ERBB4: variants seen among roughly 807,000 people sequenced by gnomAD.
ERBB4 encodes the protein receptor tyrosine-protein kinase erbB-4.
Under a neutral mutation model 158.0 loss-of-function variants are expected in ERBB4, and 42 were observed. The observed-to-expected ratio is 0.27, with a 90% CI of 0.21 to 0.34. The LOEUF is 0.34. Among genes scored for constraint, ERBB4 ranks in the 10% least tolerant of loss-of-function variants. ERBB4 has a pLI of 1.00. For synonymous variants in ERBB4, 583 were observed against 558.7 expected (o/e 1.04, Z -0.61); for missense variants, 1,333 against 1,624.1 (o/e 0.82, Z 3.08).
At chr2:212,054,966 T>A (rs1005554964) in intron 2 of ERBB4, among the ~76,000 whole-genome samples, 1 of 151,954 alleles carries the variant, frequency 6.6e-6, no homozygotes, top group African/African-American at 2.4e-5. Flanking sequence ...GGACAGTGGG[T>A]GCAGCCCACT....
intron 20 of ERBB4, among the ~76,000 whole-genome samples, chr2:211,558,136 A>C (rs939996718): frequency 6.6e-6 from 1 of 152,152 alleles, no homozygotes; most frequent in African/African-American, 2.4e-5. Flanking sequence ...AAAACAATGC[A>C]AATTTATTCT....
At chr2:211,567,082 T>C (rs1041697892) in intron 19 of ERBB4, among the ~76,000 whole-genome samples, 28 of 152,214 alleles carry the variant, frequency 1.8e-4, no homozygotes, top group African/African-American at 6.8e-4. Flanking sequence ...TATTTGATCC[T>C]TATTATAATC....
At position 212,458,841 on chromosome 2, in the gene ERBB4, C is replaced by T. The variant is rs151216442; in HGVS notation, c.82+79608G>A. ...ATAAACTTTGTAGATATATTTGGGT[C>T]GGAAAAGAAGAGAATAATTTCAGGA... is the stretch of plus-strand genomic sequence containing the variant. On this transcript the variant is annotated intron_variant, in intron 1 of 27. Transcript: ENST00000342788. Among the ~76,000 whole-genome samples the T allele has an allele frequency of 4.3e-4, 65 of 152,050 alleles. No individual in the cohort carries two copies. In the East Asian group the frequency reaches 9.7e-3, roughly 23 times the overall value.
intron 2 of ERBB4, among the ~76,000 whole-genome samples, chr2:212,007,572 C>A (rs1383262386): frequency 6.6e-6 from 1 of 151,722 alleles, no homozygotes; most frequent in Non-Finnish European, 1.5e-5. Flanking sequence ...TCCTATAATC[C>A]TTTGCATTTA....
At chr2:211,989,124 T>G (rs532395519) in intron 2 of ERBB4, among the ~76,000 whole-genome samples, 40 of 152,046 alleles carry the variant, frequency 2.6e-4, no homozygotes, top group African/African-American at 8.9e-4. Context: ...ATGACAACAA[T>G]TAGAAGAAGG....
intron 2 of ERBB4, among the ~76,000 whole-genome samples, chr2:212,065,987 C>T (rs961129728): frequency 1.3e-5 from 2 of 151,968 alleles, no homozygotes; most frequent in African/African-American, 4.8e-5. Flanking sequence ...AGGTAATTTT[C>T]TCTCAATTTG....
intron 1 of ERBB4, among the ~76,000 whole-genome samples, chr2:212,519,428 C>A (rs988300519): frequency 6.6e-6 from 1 of 151,654 alleles, no homozygotes; most frequent in Admixed American, 6.6e-5. Context: ...GTATTGATGG[C>A]TACAGTGGTC....
rs1469757985 is a variant in ERBB4 at position 212,446,635 on chromosome 2, A to T, written c.82+91814T>A. Among the ~76,000 whole-genome samples the T allele has an allele frequency of 9.9e-5, 10 of 101,478 alleles. No homozygotes were observed. The East Asian group carries it at 2.8e-3, about 29-fold the overall frequency. The allele number at this position is 101,478 out of a possible 152,430, so 66.6% of individuals were successfully genotyped here. ...TATATATATATATATATATATATATATATCCTATTAGTTCTGTCCCTCTAG... is the reference window on the plus strand; with the variant it reads ...TATATATATATATATATATATATATTTATCCTATTAGTTCTGTCCCTCTAG... On this transcript the variant is annotated intron_variant, in intron 1 of 27. Coordinates refer to ENST00000342788, the MANE Select transcript of ERBB4 (RefSeq NM_005235.3).
intron 25 of ERBB4, among the ~76,000 whole-genome samples, chr2:211,388,292 C>T (rs1361629510): frequency 6.6e-6 from 1 of 151,890 alleles, no homozygotes; most frequent in African/African-American, 2.4e-5. Context: ...TCTGATTAAC[C>T]CTAGAGGAAA....
chr2:212,410,631 C>A (rs906380004), intron 1 of ERBB4, among the ~76,000 whole-genome samples: 2 of 151,980 alleles, frequency 1.3e-5, no homozygotes, highest in African/African-American at 4.8e-5. Context: ...TAACTTAAGG[C>A]AACAATTTTG....
rs575486270 is a variant in ERBB4, at chr2:211,378,089, C to G, written c.*5526G>C. ...ACAGCATCGGGGGACTACTTTGAAC[C>G]AGGGTGGTAGAAAGGGAAGAGAGCA... On this transcript the variant is annotated 3_prime_UTR_variant, in exon 28 of 28. Transcript: ENST00000342788. 10 of 233,082 alleles carry G rather than the reference C, an allele frequency of 4.3e-5. No individual in the cohort carries two copies. Among genetic ancestry groups the G allele is most frequent in the Non-Finnish European group, 7.6e-5 (9 of 117,698 alleles). The allele number at this position is 233,082 out of a possible 1,614,324, so 14.4% of individuals were successfully genotyped here. A position where few individuals can be genotyped will look rare whatever the true frequency, so the allele number is the denominator to read the frequency against.
intron 20 of ERBB4, among the ~76,000 whole-genome samples, chr2:211,501,859 T>C (rs1482230445): frequency 2.0e-5 from 3 of 152,132 alleles, no homozygotes; most frequent in Non-Finnish European, 2.9e-5. Flanking sequence ...TATTCTGCTG[T>C]TATAAAGCAA....
chr2:211,456,115 A>C (rs745763220), intron 20 of ERBB4, among the ~76,000 whole-genome samples: 1 of 152,112 alleles, frequency 6.6e-6, no homozygotes, highest in African/African-American at 2.4e-5. Flanking sequence ...CACCTATGAT[A>C]ATGAGGAATT....
At chr2:212,280,650 T>C (rs1348451100) in intron 1 of ERBB4, among the ~76,000 whole-genome samples, 1 of 151,668 alleles carries the variant, frequency 6.6e-6, no homozygotes, top group African/African-American at 2.4e-5. Context: ...ACATTTTTTA[T>C]CAGGAGTATT....
intron 16 of ERBB4, among the ~76,000 whole-genome samples, chr2:211,656,901 G>A (rs2071237568): frequency 6.6e-6 from 1 of 152,130 alleles, no homozygotes; most frequent in African/African-American, 2.4e-5. Context: ...GGGTGATTAT[G>A]AAAAAGCCAC....
intron 2 of ERBB4, among the ~76,000 whole-genome samples, chr2:211,996,369 T>G (rs745595469): frequency 3.9e-5 from 6 of 152,114 alleles, no homozygotes; most frequent in African/African-American, 7.2e-5. Flanking sequence ...CATGTTTCTG[T>G]GTTGGGCAAT....
At chr2:211,429,387 T>G (rs2125425363) in intron 21 of ERBB4, among the ~76,000 whole-genome samples, 1 of 152,194 alleles carries the variant, frequency 6.6e-6, no homozygotes, top group African/African-American at 2.4e-5. Context: ...AAATGACCCC[T>G]CTCATCTTGG....
rs1553630443 is a variant in ERBB4, at chr2:211,773,626, A to ATATAT, written c.556+14394_556+14398dup. Among the ~76,000 whole-genome samples the ATATAT allele has an allele frequency of 1.4e-3, 109 of 78,544 alleles. 4 individuals are homozygous for ATATAT. The highest frequency in any genetic ancestry group is 0.013 in the Middle Eastern group (2 of 160). The allele number at this position is 78,544 out of a possible 152,430, so 51.5% of individuals were successfully genotyped here. On this transcript the variant is annotated intron_variant, in intron 4 of 27. Coordinates refer to ENST00000342788, the MANE Select transcript of ERBB4 (RefSeq NM_005235.3). ...TATATATATATATATATATATATAT[A>ATATAT]TATATATATATATATATATATAATA...
chr2:212,118,811 T>C (rs965635846), intron 2 of ERBB4, among the ~76,000 whole-genome samples: 1 of 152,074 alleles, frequency 6.6e-6, no homozygotes, highest in Admixed American at 6.6e-5. Flanking sequence ...AAGCAAATTA[T>C]GTTTTTCAAA....
Sources: allele counts gnomAD v4.1 joint callset (sites outside exome capture counted in the v4.1 genomes callset), GRCh38; gene constraint gnomAD v4.1.1; transcripts MANE v1.5; gene names NCBI Gene and HGNC (gene_info 2026-07-23, HGNC 2026-07-21).